Variants in RCAN2 observed in about 807,000 individuals in gnomAD.
RCAN2 encodes the protein regulator of calcineurin 2.
RCAN2 carries 9 observed loss-of-function variants against 23.6 expected under a neutral mutation model. The observed-to-expected ratio is 0.38, with a 90% CI of 0.23 to 0.67. The LOEUF is 0.67. Among genes scored for constraint, RCAN2 ranks in the 30% least tolerant of loss-of-function variants. RCAN2 has a pLI of 0.51. For missense variants in RCAN2, 273 were observed against 302.3 expected (o/e 0.90, Z 0.72); for synonymous variants, 109 against 115.7 (o/e 0.94, Z 0.37).
chr6:46,414,262 C>CATT (rs1681451621), intron 2 of RCAN2, among the ~76,000 whole-genome samples: 1 of 152,126 alleles, frequency 6.6e-6, no homozygotes, highest in South Asian at 2.1e-4. Context: ...CAATAGCTGC[C>CATT]ATTAGTGTAA....
At chr6:46,402,028 A>C (rs1428940876) in intron 2 of RCAN2, among the ~76,000 whole-genome samples, 1 of 152,244 alleles carries the variant, frequency 6.6e-6, no homozygotes, top group African/African-American at 2.4e-5. Context: ...AGATGCATGT[A>C]GAAGTACATA....
At chr6:46,430,582 AC>A (rs1767167870) in intron 2 of RCAN2, among the ~76,000 whole-genome samples, 1 of 152,210 alleles carries the variant, frequency 6.6e-6, no homozygotes, top group Non-Finnish European at 1.5e-5. Flanking sequence ...AAATGCACTC[AC>A]TTTTATAATT....
intron 2 of RCAN2, chr6:46,325,633 C>T: frequency 7.0e-7 from 1 of 1,429,948 alleles, no homozygotes; most frequent in Non-Finnish European, 9.1e-7. Context: ...GCTCCCACTG[C>T]ACGCAGCCCT....
chr6:46,453,919 C>T (rs1262121961), intron 2 of RCAN2, among the ~76,000 whole-genome samples: 1 of 152,188 alleles, frequency 6.6e-6, no homozygotes, highest in Non-Finnish European at 1.5e-5. Flanking sequence ...ACCACCGACC[C>T]TCGTAAACCT....
chr6:46,231,190 G>A (rs1765873344), intron 4 of RCAN2, among the ~76,000 whole-genome samples: 1 of 152,152 alleles, frequency 6.6e-6, no homozygotes, highest in African/African-American at 2.4e-5. Flanking sequence ...ATAGAAAAAG[G>A]AAGTTTGGAC....
At chr6:46,411,646 T>G (rs1258566761) in intron 2 of RCAN2, among the ~76,000 whole-genome samples, 1 of 152,046 alleles carries the variant, frequency 6.6e-6, no homozygotes, top group East Asian at 1.9e-4. Flanking sequence ...TTTTATCAGA[T>G]TATTGCCAAG....
intron 2 of RCAN2, among the ~76,000 whole-genome samples, chr6:46,348,482 C>G (rs1233809017): frequency 1.3e-5 from 2 of 152,104 alleles, no homozygotes; most frequent in African/African-American, 4.8e-5. Context: ...ACTCTAGGGC[C>G]CCACTCCCTG....
At chr6:46,320,505 T>C (rs906119428) in intron 2 of RCAN2, among the ~76,000 whole-genome samples, 4 of 152,176 alleles carry the variant, frequency 2.6e-5, no homozygotes, top group African/African-American at 7.2e-5. Flanking sequence ...CACAACAGCA[T>C]AAAACAAATA....
intron 2 of RCAN2, among the ~76,000 whole-genome samples, chr6:46,411,457 A>G (rs1766548387): frequency 6.6e-6 from 1 of 152,198 alleles, no homozygotes; most frequent in Non-Finnish European, 1.5e-5. Context: ...AGAACTGTGC[A>G]CTTCAAAATG....
At chr6:46,384,913 T>C (rs1315387116) in intron 2 of RCAN2, among the ~76,000 whole-genome samples, 1 of 152,138 alleles carries the variant, frequency 6.6e-6, no homozygotes, top group Non-Finnish European at 1.5e-5. Flanking sequence ...TGTAGGTACA[T>C]TATAAATAAA....
intron 4 of RCAN2, among the ~76,000 whole-genome samples, chr6:46,228,573 T>G (rs185628994): frequency 3.0e-3 from 459 of 152,324 alleles, no homozygotes; most frequent in Middle Eastern, 0.017. Flanking sequence ...TAAAGTCTGT[T>G]TTATCAGAGA....
chr6:46,394,459 G>T (rs1241363684), intron 2 of RCAN2, among the ~76,000 whole-genome samples: 1 of 152,168 alleles, frequency 6.6e-6, no homozygotes, highest in African/African-American at 2.4e-5. Flanking sequence ...AGCATAGAAT[G>T]CTGTAATTAC....
At chr6:46,414,291 C>A (rs928994820) in intron 2 of RCAN2, among the ~76,000 whole-genome samples, 5 of 152,158 alleles carry the variant, frequency 3.3e-5, no homozygotes, top group Admixed American at 1.3e-4. Flanking sequence ...TAGACAAACA[C>A]AAATTGCAAA....
chr6:46,322,045 T>C (rs1311860145), intron 2 of RCAN2, among the ~76,000 whole-genome samples: 2 of 152,172 alleles, frequency 1.3e-5, no homozygotes, highest in Non-Finnish European at 2.9e-5. Context: ...CTGGGCACAT[T>C]AATATTTTTA....
At chr6:46,243,205 G>A (rs1406945085) in intron 4 of RCAN2, among the ~76,000 whole-genome samples, 1 of 152,126 alleles carries the variant, frequency 6.6e-6, no homozygotes, top group Non-Finnish European at 1.5e-5. Context: ...TTTAACGTCT[G>A]ATATTTTCAA....
At chr6:46,255,436 T>C (rs1766874993) in intron 2 of RCAN2, among the ~76,000 whole-genome samples, 1 of 152,114 alleles carries the variant, frequency 6.6e-6, no homozygotes, top group African/African-American at 2.4e-5. Context: ...CTGGATGAGT[T>C]AGAAAAATAA....
At chr6:46,301,388 G>A (rs551559450) in intron 2 of RCAN2, among the ~76,000 whole-genome samples, 2 of 152,018 alleles carry the variant, frequency 1.3e-5, no homozygotes, top group African/African-American at 2.4e-5. Flanking sequence ...AGGACCCTGG[G>A]AACTTGGCCA....
chr6:46,242,095 G>A (rs1766326516), intron 4 of RCAN2, among the ~76,000 whole-genome samples: 1 of 152,082 alleles, frequency 6.6e-6, no homozygotes, highest in Non-Finnish European at 1.5e-5. Context: ...ATATAACGTG[G>A]CCCTCGTCTC....
At chr6:46,316,612 A>G (rs566708405) in intron 2 of RCAN2, among the ~76,000 whole-genome samples, 4 of 152,374 alleles carry the variant, frequency 2.6e-5, no homozygotes, top group African/African-American at 9.6e-5. Flanking sequence ...ATACATCCCT[A>G]TATCTGCAGA....
Sources: gnomAD v4.1 joint callset for allele counts (sites outside exome capture counted in the v4.1 genomes callset) on GRCh38, gnomAD v4.1.1 for gene constraint, MANE v1.5 for transcripts, NCBI Gene and HGNC (gene_info 2026-07-23, HGNC 2026-07-21) for gene names.